MSI2: variants seen among roughly 807,000 people sequenced by gnomAD.
The protein encoded by MSI2 is musashi RNA binding protein 2.
MSI2 carries 17 observed loss-of-function variants against 45.6 expected under a neutral mutation model. The observed-to-expected ratio is 0.37, with a 90% CI of 0.26 to 0.56. The LOEUF is 0.56. Among genes scored for constraint, MSI2 ranks in the 20% least tolerant of loss-of-function variants. The pLI is 0.77. For missense variants in MSI2, 293 were observed against 444.2 expected, an observed-to-expected ratio of 0.66 and a Z score of 3.06; for synonymous variants, 156 against 158.2, an observed-to-expected ratio of 0.99 and a Z score of 0.11.
intron 5 of MSI2, among the ~76,000 whole-genome samples, chr17:57,351,991 A>G (rs1916066923): frequency 6.6e-6 from 1 of 152,224 alleles, no homozygotes; most frequent in South Asian, 2.1e-4. Flanking sequence ...TTGTGTGAAG[A>G]AACACTGAGA....
At chr17:57,371,179 CAG>C (rs1222112423) in intron 5 of MSI2, among the ~76,000 whole-genome samples, 1 of 152,060 alleles carries the variant, frequency 6.6e-6, no homozygotes, top group South Asian at 2.1e-4. Flanking sequence ...AATTAAAAAA[CAG>C]AATAAAACAC....
At chr17:57,656,618 T>C (rs529216498) in intron 11 of MSI2, among the ~76,000 whole-genome samples, 2 of 152,260 alleles carry the variant, frequency 1.3e-5, no homozygotes, top group East Asian at 1.9e-4. Context: ...TAGTGAATCA[T>C]TGCTATTTGT....
intron 6 of MSI2, among the ~76,000 whole-genome samples, chr17:57,500,554 C>T (rs1194238240): frequency 6.6e-6 from 1 of 151,778 alleles, no homozygotes; most frequent in Non-Finnish European, 1.5e-5. Context: ...CAACCACTGT[C>T]AGGAGAGGAA....
intron 8 of MSI2, among the ~76,000 whole-genome samples, chr17:57,604,436 C>T (rs1289943064): frequency 4.6e-5 from 7 of 152,052 alleles, no homozygotes; most frequent in African/African-American, 1.2e-4. Context: ...GACTGGGTCC[C>T]GAGCCTGCGG....
At chr17:57,262,733 T>C (rs1313172225) in intron 5 of MSI2, among the ~76,000 whole-genome samples, 3 of 152,228 alleles carry the variant, frequency 2.0e-5, no homozygotes, top group African/African-American at 7.2e-5. Context: ...GTGCTTCTTA[T>C]TTGTGCAAGT....
rs537571934 is a variant in MSI2, at chr17:57,555,422, C to T, written c.454+25698C>T. Among the ~76,000 whole-genome samples the T allele has an allele frequency of 2.6e-5, 4 of 152,294 alleles. No homozygotes were observed. The Middle Eastern group carries it at 0.01, about 389-fold the overall frequency. On this transcript the variant is annotated intron_variant, in intron 7 of 13. Transcript: ENST00000284073. The stretch of plus-strand genomic sequence containing the variant: ...GCCTCAGTGTGGCCTCCAGGGTAGG[C>T]GTGATGGAGCCTACCTCTCCATTCC...
chr17:57,414,060 G>A (rs917532118), intron 6 of MSI2, among the ~76,000 whole-genome samples: 3 of 150,040 alleles, frequency 2.0e-5, no homozygotes, highest in African/African-American at 7.6e-5. Flanking sequence ...CGGAGGACCA[G>A]CCAAAAGCAA....
At chr17:57,323,461 C>T (rs915186905) in intron 5 of MSI2, among the ~76,000 whole-genome samples, 3 of 152,236 alleles carry the variant, frequency 2.0e-5, no homozygotes, top group African/African-American at 7.2e-5. Flanking sequence ...CACTTGGGCC[C>T]TCCCAAAGAT....
rs182020063 is a variant in MSI2 at position 57,625,225 on chromosome 17, G to A, written c.653-2004G>A. Among the ~76,000 whole-genome samples the A allele has an allele frequency of 3.9e-5, 6 of 152,218 alleles. No homozygotes were observed. In the South Asian group the frequency reaches 1.0e-3, roughly 26 times the overall value. On this transcript the variant is annotated intron_variant, in intron 9 of 13. Coordinates refer to ENST00000284073, the MANE Select transcript of MSI2 (RefSeq NM_138962.4). The stretch of plus-strand genomic sequence containing the variant: ...CATCAAATCATAACAACCCCCAAGG[G>A]CATGGTTGGGGGCCAGAGGCAGGAC...
intron 6 of MSI2, among the ~76,000 whole-genome samples, chr17:57,416,483 C>T (rs1346293970): frequency 6.6e-6 from 1 of 152,184 alleles, no homozygotes; most frequent in East Asian, 1.9e-4. Context: ...CTGTAATTCA[C>T]TTGCAAGTTA....
intron 7 of MSI2, among the ~76,000 whole-genome samples, chr17:57,545,113 A>G (rs977938656): frequency 6.6e-6 from 1 of 152,154 alleles, no homozygotes; most frequent in Admixed American, 6.5e-5. Flanking sequence ...AGAGAAAGGA[A>G]AGATTTTCAA....
chr17:57,659,594 G>T (rs1350318244), intron 11 of MSI2, among the ~76,000 whole-genome samples: 2 of 152,196 alleles, frequency 1.3e-5, no homozygotes, highest in Non-Finnish European at 2.9e-5. Context: ...CAAGGCTTTG[G>T]TTAAAGGTGA....
In MSI2 at chr17:57,415,752, C is replaced by T. The variant is rs2084283695; in HGVS notation, c.405+14281C>T. ...CCTCCCTTAATCTGCACAAAGCCCT[C>T]TCTGTGTGCCAAATGGACGGTTTTT... On this transcript the variant is annotated intron_variant, in intron 6 of 13. Transcript: ENST00000284073. Among the ~76,000 whole-genome samples the T allele has an allele frequency of 2.0e-5, 3 of 152,098 alleles. 1 individual carries two copies. In the South Asian group the frequency reaches 6.2e-4, roughly 32 times the overall value.
intron 6 of MSI2, among the ~76,000 whole-genome samples, chr17:57,406,468 C>G (rs190673450): frequency 6.6e-6 from 1 of 152,294 alleles, no homozygotes; most frequent in African/African-American, 2.4e-5. Context: ...CGCTTCGTCC[C>G]GGATGGAGCC....
chr17:57,575,333 C>T (rs766629800), intron 7 of MSI2, among the ~76,000 whole-genome samples: 15 of 152,096 alleles, frequency 9.9e-5, no homozygotes, highest in Non-Finnish European at 2.1e-4. Context: ...CCTATCTTGT[C>T]GGTGGAAGTG....
intron 5 of MSI2, among the ~76,000 whole-genome samples, chr17:57,375,678 C>T (rs2083483901): frequency 6.6e-6 from 1 of 152,070 alleles, no homozygotes; most frequent in South Asian, 2.1e-4. Context: ...TAAGGCCTGC[C>T]CAGCAAGAAT....
Position 57,673,816 on chromosome 17 carries a change from C to T in MSI2, c.791-1156C>T, listed in dbSNP as rs184353541. On this transcript the variant is annotated intron_variant, in intron 11 of 13. Coordinates refer to ENST00000284073, the MANE Select transcript of MSI2 (RefSeq NM_138962.4). ...GTCCACTCTCTCTGTAGCAAAGGTA[C>T]ATCCTGAGCCTGCTGTTCTCACTCT... is the stretch of plus-strand genomic sequence containing the variant. Among the ~76,000 whole-genome samples the T allele has an allele frequency of 1.9e-3, 283 of 152,212 alleles. 1 individual carries two copies. Among genetic ancestry groups the T allele is most frequent in the African/African-American group, 6.2e-3 (258 of 41,530 alleles).
chr17:57,560,777 G>A (rs8067335), intron 7 of MSI2, among the ~76,000 whole-genome samples: 47,317 of 152,112 alleles, frequency 0.31, 7,384 homozygotes, highest in Admixed American at 0.37. Flanking sequence ...ACGGTTCCTC[G>A]CAGCTCAGTA....
intron 7 of MSI2, among the ~76,000 whole-genome samples, chr17:57,535,018 A>G (rs540936651): frequency 1.3e-5 from 2 of 152,326 alleles, no homozygotes; most frequent in African/African-American, 2.4e-5. Context: ...GGGGAGGGAC[A>G]GGGAGGGAAG....
Sources: allele counts gnomAD v4.1 joint callset (sites outside exome capture counted in the v4.1 genomes callset), GRCh38; gene constraint gnomAD v4.1.1; transcripts MANE v1.5; gene names NCBI Gene and HGNC (gene_info 2026-07-23, HGNC 2026-07-21).